The following DCC variants were observed in gnomAD, a reference collection of about 807,000 sequenced individuals.
The protein encoded by DCC is DCC netrin 1 receptor.
A neutral mutation model predicts 172.5 loss-of-function variants in DCC; 58 were observed. That is an observed-to-expected ratio of 0.34 (90% CI 0.27 to 0.42). The LOEUF is 0.42. Ranked by LOEUF, DCC falls within the 10% of genes least tolerant of loss-of-function variation. The pLI, the probability that DCC is intolerant of heterozygous loss-of-function variation, is 1.00. For missense variants in DCC, 1,740 were observed against 1,791.0 expected (o/e 0.97, Z 0.51); for synonymous variants, 709 against 644.5 (o/e 1.10, Z -1.52).
At chr18:53,463,108 C>T (rs2045579693) in intron 24 of DCC, among the ~76,000 whole-genome samples, 1 of 152,200 alleles carries the variant, frequency 6.6e-6, no homozygotes, top group Admixed American at 6.5e-5. Context: ...TAGCTTTGTT[C>T]TTGACTGGAT....
chr18:53,114,778 C>T (rs1295957471), intron 7 of DCC, among the ~76,000 whole-genome samples: 1 of 151,564 alleles, frequency 6.6e-6, no homozygotes, highest in Admixed American at 6.6e-5. Flanking sequence ...TCTGTGGGCC[C>T]TGGCTCCTTG....
intron 2 of DCC, among the ~76,000 whole-genome samples, chr18:52,778,691 C>T (rs968317308): frequency 6.6e-6 from 1 of 151,980 alleles, no homozygotes; most frequent in Non-Finnish European, 1.5e-5. Flanking sequence ...TTTCTTTTCT[C>T]GTCATTAAAG....
chr18:53,021,505 C>A (rs1159142484), intron 5 of DCC, among the ~76,000 whole-genome samples: 1 of 152,090 alleles, frequency 6.6e-6, no homozygotes, highest in Non-Finnish European at 1.5e-5. Context: ...TTCTAGCATC[C>A]TCTGAGAGGA....
intron 28 of DCC, among the ~76,000 whole-genome samples, chr18:53,529,003 T>TTC (rs144580817): frequency 0.078 from 7,704 of 99,002 alleles, 188 homozygotes; most frequent in Non-Finnish European, 0.12. Context: ...TCACTTCAAC[T>TTC]TCTCTCTCTC....
intron 5 of DCC, among the ~76,000 whole-genome samples, chr18:53,005,087 C>T (rs2041624239): frequency 6.6e-6 from 1 of 152,154 alleles, no homozygotes; most frequent in African/African-American, 2.4e-5. Flanking sequence ...GATGACATAG[C>T]ATGAAAGCCC....
intron 1 of DCC, among the ~76,000 whole-genome samples, chr18:52,590,596 A>C (rs544103729): frequency 7.0e-4 from 107 of 152,300 alleles, no homozygotes; most frequent in Admixed American, 2.3e-3. Flanking sequence ...GAGAGTGCGA[A>C]GATGAGGTCT....
chr18:53,159,996 C>T (rs1235617452), intron 8 of DCC, among the ~76,000 whole-genome samples: 1 of 151,702 alleles, frequency 6.6e-6, no homozygotes, highest in Non-Finnish European at 1.5e-5. Flanking sequence ...AATTTAGGCT[C>T]AAAGTATAGG....
At chr18:53,368,609 G>A (rs984902476) in intron 15 of DCC, among the ~76,000 whole-genome samples, 10 of 152,008 alleles carry the variant, frequency 6.6e-5, no homozygotes, top group African/African-American at 2.2e-4. Flanking sequence ...ATTTTGGGTC[G>A]ATTTTTTGTA....
chr18:52,830,350 C>A (rs2038590722), intron 2 of DCC, among the ~76,000 whole-genome samples: 1 of 152,074 alleles, frequency 6.6e-6, no homozygotes, highest in Non-Finnish European at 1.5e-5. Context: ...CAAGACAATT[C>A]TTCTTCTAGT....
At chr18:52,668,877 G>A (rs2144964310) in intron 1 of DCC, among the ~76,000 whole-genome samples, 1 of 152,344 alleles carries the variant, frequency 6.6e-6, no homozygotes, top group Non-Finnish European at 1.5e-5. Flanking sequence ...AGTTAGACAT[G>A]CATGCCTTGT....
At chr18:53,079,098 A>G (rs1351550706) in intron 7 of DCC, among the ~76,000 whole-genome samples, 1 of 152,150 alleles carries the variant, frequency 6.6e-6, no homozygotes, top group African/African-American at 2.4e-5. Flanking sequence ...TTCTCCTAAC[A>G]GTATGGCACT....
intron 27 of DCC, among the ~76,000 whole-genome samples, chr18:53,508,153 A>G (rs1486181728): frequency 6.6e-6 from 1 of 151,856 alleles, no homozygotes; most frequent in Non-Finnish European, 1.5e-5. Context: ...TCGGCCTCCC[A>G]AAGTGCTGGG....
At chr18:52,995,373 C>T (rs1340608160) in intron 5 of DCC, among the ~76,000 whole-genome samples, 1 of 152,140 alleles carries the variant, frequency 6.6e-6, no homozygotes, top group Admixed American at 6.6e-5. Context: ...TACTTACTAG[C>T]AGCCCCATAA....
chr18:53,459,066 A>G (rs1296223701), intron 23 of DCC, among the ~76,000 whole-genome samples, 166 bp from the exon 24 acceptor site: 4 of 152,174 alleles, frequency 2.6e-5, no homozygotes, highest in South Asian at 2.1e-4. Context: ...CCAGGGGGGA[A>G]GAGGAAAGGC....
chr18:52,637,244 T>C (rs4575625), intron 1 of DCC, among the ~76,000 whole-genome samples: 17,120 of 152,048 alleles, frequency 0.11, 1,023 homozygotes, highest in Middle Eastern at 0.19. Flanking sequence ...ACCCTGGTAA[T>C]ATGACAAAAC....
chr18:52,358,553 C>T (rs1984480300), intron 1 of DCC, among the ~76,000 whole-genome samples: 2 of 152,190 alleles, frequency 1.3e-5, no homozygotes, highest in Admixed American at 6.5e-5. Flanking sequence ...TACCACTGCT[C>T]AACAGGCAGT....
chr18:53,338,372 G>A (rs2057615427), intron 14 of DCC, among the ~76,000 whole-genome samples: 1 of 152,204 alleles, frequency 6.6e-6, no homozygotes, highest in African/African-American at 2.4e-5. Flanking sequence ...GGGAGGCCAA[G>A]GCAGGTGGAT....
chr18:52,993,723 T>C (rs1036435481), intron 5 of DCC, among the ~76,000 whole-genome samples: 1 of 152,138 alleles, frequency 6.6e-6, no homozygotes, highest in African/African-American at 2.4e-5. Context: ...TGGGTGCATA[T>C]TTCTGCTGTT....
At chr18:52,901,414 T>C (rs2039807081) in intron 2 of DCC, among the ~76,000 whole-genome samples, 1 of 151,966 alleles carries the variant, frequency 6.6e-6, no homozygotes, top group South Asian at 2.1e-4. Flanking sequence ...TGGGCGATAG[T>C]GTATAAGACT....
Sources: gnomAD v4.1 joint callset for allele counts (sites outside exome capture counted in the v4.1 genomes callset) on GRCh38, gnomAD v4.1.1 for gene constraint, MANE v1.5 for transcripts, NCBI Gene and HGNC (gene_info 2026-07-23, HGNC 2026-07-21) for gene names.